The following PTGR3 variants were observed in gnomAD, a reference collection of about 807,000 sequenced individuals.
PTGR3 encodes prostaglandin reductase 3, also known as zinc binding alcohol dehydrogenase domain containing 2.
At chr18:75,208,806 C>G in the PTGR3 span, 1 of 1,372,634 alleles carries the variant, frequency 7.3e-7, no homozygotes. Flanking sequence ...GGCGCGAGCC[C>G]GGGGCGAGAA....
At chr18:75,203,761 T>C in the PTGR3 span, among the ~76,000 whole-genome samples, 15 of 151,898 alleles carry the variant, frequency 9.9e-5, no homozygotes, top group Non-Finnish European at 2.1e-4. Flanking sequence ...TTTTTTTTCC[T>C]ACATTCTATT....
At chr18:75,208,874 T>C in the PTGR3 span, 2 of 1,530,988 alleles carry the variant, frequency 1.3e-6, no homozygotes, top group East Asian at 2.7e-5. Context: ...GAGGTCTCCG[T>C]CCCCGGGGAG....
chr18:75,205,499 G>C, the PTGR3 span: 3 of 985,370 alleles, frequency 3.0e-6, no homozygotes, highest in South Asian at 4.7e-5. Flanking sequence ...GACCGGCGCA[G>C]GCATTCTCCA....
the PTGR3 span, chr18:75,205,287 A>G: frequency 1.0e-6 from 1 of 985,606 alleles, no homozygotes; most frequent in Non-Finnish European, 1.2e-6. Context: ...CGGGATGGGG[A>G]GCAGGGGCGG....
At chr18:75,207,324 A>T in the PTGR3 span, among the ~76,000 whole-genome samples, 3 of 152,238 alleles carry the variant, frequency 2.0e-5, no homozygotes, top group Admixed American at 6.5e-5. Context: ...TCAGAAGGAG[A>T]AAAAGGGAAA....
At chr18:75,195,403 C>T in the PTGR3 span, 1 of 152,134 alleles carries the variant, frequency 6.6e-6, no homozygotes, top group Non-Finnish European at 1.5e-5. Context: ...CCTAGTCAGC[C>T]GTATCCCAAA....
the PTGR3 span, chr18:75,205,637 A>G: frequency 3.3e-6 from 1 of 303,960 alleles, no homozygotes; most frequent in African/African-American, 2.3e-5. Context: ...AACAAAAACC[A>G]AAGGCGAGGA....
chr18:75,208,898 T>C, the PTGR3 span: 4 of 1,566,890 alleles, frequency 2.6e-6, no homozygotes, highest in Admixed American at 5.6e-5. Context: ...CACCGGGCAG[T>C]CCCGGCTCAG....
the PTGR3 span, chr18:75,202,095 G>T: frequency 1.2e-6 from 2 of 1,614,048 alleles, no homozygotes; most frequent in Non-Finnish European, 1.7e-6. Flanking sequence ...TACCAGCAGG[G>T]TAAGATACTC....
the PTGR3 span, chr18:75,208,488 TG>T: frequency 9.7e-7 from 1 of 1,031,866 alleles, no homozygotes; most frequent in Non-Finnish European, 1.2e-6. Context: ...GCAGGAACTG[TG>T]GGTGCGCGCG....
chr18:75,206,795 AG>A, the PTGR3 span, among the ~76,000 whole-genome samples: 2 of 152,144 alleles, frequency 1.3e-5, no homozygotes, highest in African/African-American at 2.4e-5. Context: ...CAGGGAAAAA[AG>A]AGGCATGGAT....
At chr18:75,201,881 G>A in the PTGR3 span, 1 of 1,614,112 alleles carries the variant, frequency 6.2e-7, no homozygotes, top group Non-Finnish European at 8.5e-7. Context: ...CAGTTTTATA[G>A]TTGATAGGAC....
chr18:75,202,089 A>G, the PTGR3 span: 3 of 1,613,862 alleles, frequency 1.9e-6, no homozygotes, highest in African/African-American at 4.0e-5. Flanking sequence ...GCCACTTACC[A>G]GCAGGGTAAG....
the PTGR3 span, among the ~76,000 whole-genome samples, chr18:75,206,062 C>T: frequency 6.6e-6 from 1 of 152,174 alleles, no homozygotes; most frequent in Non-Finnish European, 1.5e-5. Flanking sequence ...GGATGTCTCT[C>T]TCTCTCTTTT....
chr18:75,208,837 G>A, the PTGR3 span: 3 of 1,484,386 alleles, frequency 2.0e-6, no homozygotes, highest in African/African-American at 1.5e-5. Flanking sequence ...GGGTTGGGGG[G>A]CGCCGGGCTC....
At chr18:75,208,876 C>T in the PTGR3 span, 10 of 1,538,000 alleles carry the variant, frequency 6.5e-6, no homozygotes, top group African/African-American at 1.4e-5. Context: ...GGTCTCCGTC[C>T]CCGGGGAGCG....
At chr18:75,208,150 C>G in the PTGR3 span, among the ~76,000 whole-genome samples, 1 of 152,224 alleles carries the variant, frequency 6.6e-6, no homozygotes, top group East Asian at 1.9e-4. Context: ...AACCCGGTGT[C>G]ACCTGAATGT....
At chr18:75,201,398 T>TA in the PTGR3 span, 27 of 1,585,392 alleles carry the variant, frequency 1.7e-5, no homozygotes, top group African/African-American at 3.5e-4. Context: ...TCCCTTGATT[T>TA]ATGTCATTGT....
chr18:75,201,511 C>T, the PTGR3 span: 32 of 1,614,036 alleles, frequency 2.0e-5, no homozygotes, highest in Non-Finnish European at 2.7e-5. Context: ...AATATGGACT[C>T]CAGGCCAGTA....
Sources: allele counts gnomAD v4.1 joint callset (sites outside exome capture counted in the v4.1 genomes callset), GRCh38; gene constraint gnomAD v4.1.1; transcripts MANE v1.5; gene names NCBI Gene and HGNC (gene_info 2026-07-23, HGNC 2026-07-21).